Variants in PRKN observed in about 807,000 individuals in gnomAD.
PRKN encodes parkin RBR E3 ubiquitin protein ligase, also known as E3 ubiquitin-protein ligase parkin.
Under a neutral mutation model 59.5 loss-of-function variants are expected in PRKN, and 56 were observed. That is an observed-to-expected ratio of 0.94 (90% confidence interval 0.76 to 1.18). The LOEUF (loss-of-function observed/expected upper bound fraction) is 1.18. Among genes scored for constraint, PRKN ranks in the 50% most tolerant of loss-of-function variants. The pLI is 0.00. For missense variants in PRKN, 657 were observed against 596.4 expected (o/e 1.10, Z -1.06); for synonymous variants, 250 against 222.1 (o/e 1.13, Z -1.12).
chr6:161,395,134 A>G lies in PRKN; in HGVS notation c.1084-8257T>C, dbSNP rs1786698565. 6.6e-6 allele frequency among the ~76,000 whole-genome samples: 1 copy of G among 152,156 alleles called. No individual in the cohort carries two copies. Among genetic ancestry groups the G allele is most frequent in the African/African-American group, 2.4e-5 (1 of 41,422 alleles). On this transcript the variant is annotated intron_variant, in intron 9 of 11. Transcript: ENST00000366898. The surrounding 1 kb of genome is among the most constrained non-coding windows in gnomAD (Gnocchi z 5.0). ...TAGCTTCCCAGAGACAATCACTGTCACCTGTTTGTATAGGTATTGTTCCAG... is the reference window on the plus strand; with the variant it reads ...TAGCTTCCCAGAGACAATCACTGTCGCCTGTTTGTATAGGTATTGTTCCAG...
At chr6:162,647,866 G>T (rs1329960229) in intron 1 of PRKN, among the ~76,000 whole-genome samples, 1 of 135,220 alleles carries the variant, frequency 7.4e-6, no homozygotes, top group Non-Finnish European at 1.5e-5. Flanking sequence ...AAACAATGAA[G>T]AAGTACTTTC....
intron 5 of PRKN, 50 bp downstream of exon 5, chr6:162,054,041 A>G (rs1236318614): frequency 1.7e-6 from 2 of 1,144,192 alleles, no homozygotes; most frequent in Non-Finnish European, 2.7e-6. Context: ...AACAGTGAAG[A>G]TGTCATCATT....
At chr6:161,676,600 T>C (rs1785095314) in intron 7 of PRKN, among the ~76,000 whole-genome samples, 1 of 152,236 alleles carries the variant, frequency 6.6e-6, no homozygotes, top group Non-Finnish European at 1.5e-5. Flanking sequence ...CCTTTTGTGC[T>C]GCGACAGCGT....
intron 1 of PRKN, among the ~76,000 whole-genome samples, chr6:162,543,870 G>C (rs1023392262): frequency 6.6e-6 from 1 of 152,150 alleles, no homozygotes; most frequent in African/African-American, 2.4e-5. Context: ...TGCAGGCCCA[G>C]CAAAGGGGCC....
intron 9 of PRKN, among the ~76,000 whole-genome samples, chr6:161,531,415 A>C (rs1412422588): frequency 2.0e-5 from 3 of 151,334 alleles, no homozygotes; most frequent in African/African-American, 7.3e-5. Context: ...TGCGAACGCC[A>C]CCCCCTACCC....
At chr6:162,214,394 T>A (rs560025602) in intron 3 of PRKN, among the ~76,000 whole-genome samples, 3 of 152,306 alleles carry the variant, frequency 2.0e-5, no homozygotes, top group Non-Finnish European at 4.4e-5. Context: ...TGGATGGTTC[T>A]CTCTGTGTAG....
intron 7 of PRKN, among the ~76,000 whole-genome samples, chr6:161,678,055 T>C (rs1403478791): frequency 6.6e-6 from 1 of 152,122 alleles, no homozygotes; most frequent in African/African-American, 2.4e-5. Flanking sequence ...ATGCAAATTA[T>C]TTGCTTTAAA....
intron 6 of PRKN, among the ~76,000 whole-genome samples, chr6:161,902,747 G>A (rs1777981956): frequency 6.6e-6 from 1 of 151,860 alleles, no homozygotes; most frequent in Non-Finnish European, 1.5e-5. Flanking sequence ...AGTAGAGACT[G>A]AGTTTCGCCA....
rs1038768519 is a variant in PRKN, at chr6:162,284,200, T to C, written c.172-21435A>G. Among the ~76,000 whole-genome samples the C allele has an allele frequency of 2.0e-5, 3 of 149,656 alleles. No homozygotes were observed. The Admixed American group carries it at 2.0e-4, about 10-fold the overall frequency. On this transcript the variant is annotated intron_variant, in intron 2 of 11. Transcript: ENST00000366898. ...AAGGGTAACTGGGTATATTTATGTA[T>C]TGTGTTATTTCTTTCTTTTTTTTTT...
chr6:161,909,648 G>A (rs568513250), intron 6 of PRKN, among the ~76,000 whole-genome samples: 1 of 152,250 alleles, frequency 6.6e-6, no homozygotes, highest in Non-Finnish European at 1.5e-5. Flanking sequence ...AGGCTTTCGG[G>A]ACATGTGCTC....
chr6:161,449,858 T>C (rs1016450465), intron 9 of PRKN, among the ~76,000 whole-genome samples: 1 of 151,918 alleles, frequency 6.6e-6, no homozygotes, highest in African/African-American at 2.4e-5. Context: ...AACAGAAGCA[T>C]TGGGAATGGA....
chr6:162,438,385 C>T (rs1276794450), intron 2 of PRKN, among the ~76,000 whole-genome samples: 1 of 152,082 alleles, frequency 6.6e-6, no homozygotes, highest in East Asian at 1.9e-4. Flanking sequence ...ATGTTTTTCC[C>T]TCCTTCCTAG....
At chr6:162,471,607 A>T (rs1791753429) in intron 1 of PRKN, among the ~76,000 whole-genome samples, 1 of 152,204 alleles carries the variant, frequency 6.6e-6, no homozygotes, top group Non-Finnish European at 1.5e-5. Flanking sequence ...CTAAACTATT[A>T]GATATGTTTT....
intron 9 of PRKN, among the ~76,000 whole-genome samples, chr6:161,520,184 T>G (rs1778765897): frequency 1.3e-5 from 2 of 151,850 alleles, no homozygotes; most frequent in Admixed American, 1.3e-4. Context: ...CTGAGCTTTC[T>G]TCACTTTCTT....
chr6:161,745,183 G>A (rs748918258), intron 7 of PRKN, among the ~76,000 whole-genome samples: 17 of 152,152 alleles, frequency 1.1e-4, no homozygotes, highest in Non-Finnish European at 2.2e-4. Flanking sequence ...CCTTAAAAGA[G>A]TTTCTGATCT....
chr6:161,572,541 T>A (rs1174826239), intron 7 of PRKN, among the ~76,000 whole-genome samples: 1 of 152,070 alleles, frequency 6.6e-6, no homozygotes, highest in Non-Finnish European at 1.5e-5. Flanking sequence ...GCATCTGTAA[T>A]CCCAGCTACT....
intron 6 of PRKN, among the ~76,000 whole-genome samples, chr6:161,849,594 G>A (rs375933089): frequency 1.5e-4 from 23 of 152,160 alleles, no homozygotes; most frequent in African/African-American, 5.1e-4. Flanking sequence ...CCTGCCTTTA[G>A]GAGCCCCCAA....
intron 2 of PRKN, among the ~76,000 whole-genome samples, chr6:162,389,883 T>C (rs183650816): frequency 6.6e-6 from 1 of 152,354 alleles, no homozygotes; most frequent in Admixed American, 6.5e-5. Context: ...ACCCCATGGC[T>C]GGCTTTATTG....
chr6:162,195,717 T>TG lies in PRKN; in HGVS notation c.534+5413_534+5414insC, dbSNP rs1784464317. The stretch of plus-strand genomic sequence containing the variant: ...GTAGCGGGGAGGGGGTCACCCAAAG[T>TG]TCTTGGCTACAGTAATCTCCTGGCT... On this transcript the variant is annotated intron_variant, in intron 4 of 11. Coordinates refer to ENST00000366898, the MANE Select transcript of PRKN (RefSeq NM_004562.3). Among the ~76,000 whole-genome samples, 3 of 152,276 alleles carry TG rather than the reference T, an allele frequency of 2.0e-5. No individual in the cohort carries two copies. In the South Asian group the frequency reaches 6.2e-4, roughly 32 times the overall value.
Sources: gnomAD v4.1 joint callset for allele counts (sites outside exome capture counted in the v4.1 genomes callset) on GRCh38, gnomAD v4.1.1 for gene constraint, Gnocchi (gnomAD v3.1) non-coding constraint, MANE v1.5 for transcripts, NCBI Gene and HGNC (gene_info 2026-07-23, HGNC 2026-07-21) for gene names.